Variants in OSBPL2 observed in about 807,000 individuals in gnomAD.
OSBPL2 encodes oxysterol-binding protein-related protein 2.
Under a neutral mutation model 58.4 loss-of-function variants are expected in OSBPL2, and 18 were observed. That is an observed-to-expected ratio of 0.31 (90% CI 0.21 to 0.46). The LOEUF is 0.46. Ranked by LOEUF, OSBPL2 falls within the 20% of genes least tolerant of loss-of-function variation. OSBPL2 has a pLI of 1.00. For missense variants in OSBPL2, 461 were observed against 616.5 expected, an observed-to-expected ratio of 0.75 and a Z score of 2.67; for synonymous variants, 221 against 234.1, an observed-to-expected ratio of 0.94 and a Z score of 0.51.
In OSBPL2 at chr20:62,288,059, T is replaced by C. The variant is rs2145976385; in HGVS notation, c.1126-1148T>C. Among the ~76,000 whole-genome samples, 1 of 151,892 alleles carries C rather than the reference T, an allele frequency of 6.6e-6. No homozygotes were observed. The highest frequency in any genetic ancestry group is 1.9e-4 in the East Asian group (1 of 5,160). ...GGGGTGGGGGTGTCTAGGGATTGCG[T>C]TTGGGCGGAGGGGACAGTCAGGGCA... On this transcript the variant is annotated intron_variant, in intron 11 of 13. Transcript: ENST00000313733. This position sits in a 1 kb window ranked among gnomAD's most constrained non-coding sequence, Gnocchi z 4.8.
chr20:62,260,862 C>T (rs192107321), intron 3 of OSBPL2, among the ~76,000 whole-genome samples: 4 of 152,070 alleles, frequency 2.6e-5, no homozygotes, highest in African/African-American at 7.2e-5. Flanking sequence ...TGGTGGTGCA[C>T]GCCTCTGGTC....
chr20:62,286,355 C>G (rs1983119419), intron 10 of OSBPL2: 4 of 417,312 alleles, frequency 9.6e-6, no homozygotes, highest in Non-Finnish European at 1.8e-5. Context: ...GAGGCTGAGG[C>G]AGGAGAATCT....
intron 9 of OSBPL2, 183 bp downstream of exon 9, chr20:62,282,062 A>G (rs1332544940): frequency 1.1e-5 from 5 of 446,114 alleles, no homozygotes; most frequent in Admixed American, 3.6e-5. Flanking sequence ...GTTATTGAGC[A>G]TAAAAGGAAA....
intron 6 of OSBPL2, among the ~76,000 whole-genome samples, chr20:62,273,686 C>T (rs763039491): frequency 2.6e-5 from 4 of 152,090 alleles, no homozygotes; most frequent in African/African-American, 4.8e-5. Flanking sequence ...TAGACGCTTC[C>T]GTGTGTGTGT....
At chr20:62,272,555 C>A (rs1257382232) in intron 5 of OSBPL2, among the ~76,000 whole-genome samples, 1 of 152,172 alleles carries the variant, frequency 6.6e-6, no homozygotes, top group East Asian at 1.9e-4. Context: ...TGCCCTTGGG[C>A]TTCTCTTGGG....
At chr20:62,278,560 T>C (rs1982557596) in intron 6 of OSBPL2, 1 of 66,206 alleles carries the variant, frequency 1.5e-5, no homozygotes, top group Non-Finnish European at 3.1e-5. Context: ...TGTGTGTGTG[T>C]CTGTTGCCAA....
At chr20:62,240,997 G>C in intron 1 of OSBPL2, among the ~76,000 whole-genome samples, 1 of 152,150 alleles carries the variant, frequency 6.6e-6, no homozygotes, top group East Asian at 1.9e-4. Flanking sequence ...CACTGCCTTA[G>C]AGTACACACG....
chr20:62,295,432 G>C lies in OSBPL2; in HGVS notation c.*1545G>C. On this transcript the variant is annotated 3_prime_UTR_variant, in exon 14 of 14. Transcript: ENST00000313733. The surrounding 1 kb of genome is among the most constrained non-coding windows in gnomAD (Gnocchi z 4.8). ...GACAGGTGCCACCTGCGTGTGTCTT[G>C]GCGTCCACATCACACCTGTGACGGA... The C allele has an allele frequency of 6.6e-6, 1 of 152,194 alleles. No homozygotes were observed. Among genetic ancestry groups the C allele is most frequent in the East Asian group, 1.9e-4 (1 of 5,196 alleles). The allele number at this position is 152,194 out of a possible 1,614,324, so 9.4% of individuals were successfully genotyped here.
chr20:62,279,634 C>T (rs780536596), intron 7 of OSBPL2: 7 of 465,558 alleles, frequency 1.5e-5, no homozygotes, highest in Non-Finnish European at 2.7e-5. Context: ...TGGAACTCAC[C>T]CCGCTTTCCG....
chr20:62,257,061 G>A (rs550690979), intron 2 of OSBPL2, among the ~76,000 whole-genome samples: 1 of 152,260 alleles, frequency 6.6e-6, no homozygotes, highest in Non-Finnish European at 1.5e-5. Flanking sequence ...AAATGTGGCC[G>A]CAGGCCAGGA....
chr20:62,269,396 CA>C lies in OSBPL2; in HGVS notation c.259-2728del, dbSNP rs1773574823. On this transcript the variant is annotated intron_variant, in intron 4 of 13. Transcript: ENST00000313733. This position sits in a 1 kb window ranked among gnomAD's most constrained non-coding sequence, Gnocchi z 4.2. ...GTTCCTAGAAGTGGGGCTGCTGGGT[CA>C]GGGGCAAATACCCGTAGAGTTTGCT... Among the ~76,000 whole-genome samples, 2 of 152,200 alleles carry C rather than the reference CA, an allele frequency of 1.3e-5. No individual in the cohort carries two copies. Among genetic ancestry groups the C allele is most frequent in the Admixed American group, 6.5e-5 (1 of 15,282 alleles).
chr20:62,255,480 T>A lies in OSBPL2; in HGVS notation c.-128-577T>A, dbSNP rs75484721. Among the ~76,000 whole-genome samples, 295 of 146,468 alleles carry A rather than the reference T, an allele frequency of 2.0e-3. 1 individual carries two copies. The highest frequency in any genetic ancestry group is 7.8e-3 in the African/African-American group (283 of 36,200). ...TAACTGTAGATAATGCTTTTAATTT[T>A]ATTTTAATTTTATTTTAATTATTTA... On this transcript the variant is annotated intron_variant, in intron 1 of 13. Coordinates refer to ENST00000313733, the MANE Select transcript of OSBPL2 (RefSeq NM_144498.4).
At chr20:62,272,375 T>C (rs1442077950) in intron 5 of OSBPL2, 116 bp downstream of exon 5, 25 of 1,124,394 alleles carry the variant, frequency 2.2e-5, no homozygotes, top group African/African-American at 3.1e-5. Context: ...CTCCCCCCAG[T>C]GTTCAGTGCC....
At position 62,263,613 on chromosome 20, in the gene OSBPL2, C is replaced by T. The variant is rs759887182; in HGVS notation, c.183-3C>T. ...CCACACGCACCCCTTTTGTGCTTCG[C>T]AGGACATCGCTGCCGGCTCCCATGT... On this transcript the variant is annotated splice_polypyrimidine_tract_variant and splice_region_variant and intron_variant, in intron 3 of 13. Transcript: ENST00000313733. The T allele has an allele frequency of 2.5e-6, 4 of 1,614,014 alleles. No individual in the cohort carries two copies. The highest frequency in any genetic ancestry group is 3.4e-6 in the Non-Finnish European group (4 of 1,179,866).
intron 6 of OSBPL2, 122 bp downstream of exon 6, chr20:62,273,528 G>T: frequency 1.2e-6 from 1 of 802,630 alleles, no homozygotes; most frequent in Non-Finnish European, 2.0e-6. Flanking sequence ...TGAATTAAGA[G>T]CTCACGAAAG....
At chr20:62,284,190 G>A (rs1435787829) in intron 10 of OSBPL2, 21 bp downstream of exon 10, 20 of 1,613,716 alleles carry the variant, frequency 1.2e-5, no homozygotes, top group Non-Finnish European at 1.4e-5. Context: ...GGGCGTCCCC[G>A]GGCAGAGCTG....
At chr20:62,261,316 CAAAAA>C (rs11484468) in intron 3 of OSBPL2, among the ~76,000 whole-genome samples, 4 of 85,732 alleles carry the variant, frequency 4.7e-5, no homozygotes, top group South Asian at 4.2e-4. Context: ...ACTCCATCTC[CAAAAA>C]AAAAAAAAAA....
At chr20:62,259,536 T>C (rs551958530) in intron 2 of OSBPL2, among the ~76,000 whole-genome samples, 1 of 152,344 alleles carries the variant, frequency 6.6e-6, no homozygotes, top group South Asian at 2.1e-4. Flanking sequence ...CTTGAAACAC[T>C]GTCAGCAGGC....
chr20:62,247,019 G>A (rs907900766), intron 1 of OSBPL2, among the ~76,000 whole-genome samples: 1 of 152,174 alleles, frequency 6.6e-6, no homozygotes, highest in Admixed American at 6.5e-5. Context: ...CTGCCAGGTC[G>A]CCGACTGCTC....
Sources: gnomAD v4.1 joint callset for allele counts (sites outside exome capture counted in the v4.1 genomes callset) on GRCh38, gnomAD v4.1.1 for gene constraint, Gnocchi (gnomAD v3.1) non-coding constraint, MANE v1.5 for transcripts, NCBI Gene and HGNC (gene_info 2026-07-23, HGNC 2026-07-21) for gene names.